Variants in MYO7B observed in about 807,000 individuals in gnomAD.
The protein encoded by MYO7B is unconventional myosin-VIIb.
A neutral mutation model predicts 259.7 loss-of-function variants in MYO7B; 212 were observed. That is an observed-to-expected ratio of 0.82 (90% confidence interval 0.73 to 0.91). The LOEUF (loss-of-function observed/expected upper bound fraction) is 0.91, where lower values mean the gene tolerates loss of function less well. MYO7B is among the 40% of genes least tolerant of loss of function. The probability of loss-of-function intolerance (pLI) is 0.00; values close to 1 mark genes in which losing one functional copy is unlikely to be tolerated. For missense variants in MYO7B, 2,732 were observed against 2,813.5 expected (o/e 0.97, Z 0.66); for synonymous variants, 1,197 against 1,166.4 (o/e 1.03, Z -0.54).
Position 127,566,903 on chromosome 2 carries a change from G to A in MYO7B, c.470+76G>A, listed in dbSNP as rs1678375956. 4 of 1,480,484 alleles carry A rather than the reference G, an allele frequency of 2.7e-6. No individual in the cohort carries two copies. The South Asian group carries it at 3.8e-5, about 14-fold the overall frequency. The allele number at this position is 1,480,484 out of a possible 1,614,324, so 91.7% of individuals were successfully genotyped here. A position where few individuals can be genotyped will look rare whatever the true frequency, so the allele number is the denominator to read the frequency against. Reference sequence around the variant, plus strand: ...CCCACCAGCATGCCTGCAAGATCAGGCGAGATGAGAGCTCTCCCTACTCCA... The same window carrying A: ...CCCACCAGCATGCCTGCAAGATCAGACGAGATGAGAGCTCTCCCTACTCCA... On this transcript the variant is annotated intron_variant, in intron 5 of 47. Transcript: ENST00000409816.
At chr2:127,571,522 C>T (rs1335850171) in intron 6 of MYO7B, among the ~76,000 whole-genome samples, 11 of 140,716 alleles carry the variant, frequency 7.8e-5, no homozygotes, top group Non-Finnish European at 1.5e-4. Context: ...CTCTTGTTGC[C>T]CAGGCTGGAG....
Position 127,593,580 on chromosome 2 carries a change from T to C in MYO7B, c.2180T>C (p.Ile727Thr). 1 of 1,613,530 alleles carries C rather than the reference T, an allele frequency of 6.2e-7. No individual in the cohort carries two copies. The highest frequency in any genetic ancestry group is 8.5e-7 in the Non-Finnish European group (1 of 1,179,768). The change falls in exon 18 of 48, where the codon ATC (isoleucine) becomes ACC (threonine). Residue 727 changes from isoleucine (I) to threonine (T), a missense_variant. Physicochemically the swap from Ile to Thr is moderately conservative, Grantham distance 89. This residue lies in a region of MYO7B where 1,906 missense variants were observed against 2,026.4 expected (regional missense o/e 0.94). Coordinates refer to ENST00000409816, the MANE Select transcript of MYO7B (RefSeq NM_001393586.1). Reference sequence around the variant, plus strand: ...AAGCTCCGCCAGATGACCCTGGGCATCACTGACGTGTGGCTGCGGACAGAC... The same window carrying C: ...AAGCTCCGCCAGATGACCCTGGGCACCACTGACGTGTGGCTGCGGACAGAC... ...QGKLRQMTLG[I>T]TDVWLRTDKD...
chr2:127,560,400 G>T (rs1357487529), intron 2 of MYO7B, among the ~76,000 whole-genome samples: 1 of 152,086 alleles, frequency 6.6e-6, no homozygotes, highest in Non-Finnish European at 1.5e-5. Context: ...GGAACTGTGG[G>T]CATGGGTAGG....
chr2:127,585,290 C>G lies in MYO7B; in HGVS notation c.1690+377C>G, dbSNP rs561503402. 6.6e-6 allele frequency among the ~76,000 whole-genome samples: 1 copy of G among 152,278 alleles called. No individual in the cohort carries two copies. Among genetic ancestry groups the G allele is most frequent in the African/African-American group, 2.4e-5 (1 of 41,554 alleles). On this transcript the variant is annotated intron_variant, in intron 14 of 47. Transcript: ENST00000409816. The surrounding 1 kb of genome is among the most constrained non-coding windows in gnomAD (Gnocchi z 4.3). ...GCCCTGGGCAACAATTAATTTCTGTCTCTATGGATTTGCCTATTCTGACTT... is the reference window on the plus strand; with the variant it reads ...GCCCTGGGCAACAATTAATTTCTGTGTCTATGGATTTGCCTATTCTGACTT...
At position 127,627,215 on chromosome 2, in the gene MYO7B, G is replaced by A. The variant is rs763846210; in HGVS notation, c.4365G>A (p.Leu1455=). ...GCCTGCCCAAGACGCAGCTGATCTT[G>A]GCTGTTAACTGGAAGGGGCTTTGCT... is the stretch of plus-strand genomic sequence containing the variant. ...GPRLPKTQLI[L]AVNWKGLCFL... is the part of the protein sequence containing the mutation. Residue 1455 remains leucine, a synonymous_variant, in exon 33 of 48, where the codon TTG becomes TTA. Coordinates refer to ENST00000409816, the MANE Select transcript of MYO7B (RefSeq NM_001393586.1). The surrounding 1 kb of genome is among the most constrained non-coding windows in gnomAD (Gnocchi z 5.6). 1.3e-5 allele frequency: 21 copies of A among 1,610,574 alleles called. No individual in the cohort carries two copies. The highest frequency in any genetic ancestry group is 1.8e-5 in the Non-Finnish European group (21 of 1,178,626).
rs1042236237 is a variant in MYO7B at position 127,612,498 on chromosome 2, G to A, written c.3293G>A (p.Gly1098Glu). Residue 1098 changes from glycine (G) to glutamate (E), a missense_variant, in exon 26 of 48, where the codon GGA becomes GAA. Gly to Glu is a moderately conservative substitution (Grantham distance 98, BLOSUM62 -2). Transcript: ENST00000409816. ...TGQVASQLNI[G>E]EEALEPDGLG... The stretch of plus-strand genomic sequence containing the variant: ...AAGGTGGCCAGCCAGCTGAACATTG[G>A]AGAGGAGGCATTGGAGCCTGATGGC... 3.2e-6 allele frequency: 5 copies of A among 1,557,920 alleles called. No individual in the cohort carries two copies. Among genetic ancestry groups the A allele is most frequent in the Non-Finnish European group, 4.3e-6 (5 of 1,150,776 alleles).
intron 2 of MYO7B, among the ~76,000 whole-genome samples, chr2:127,562,249 T>C (rs1319498711): frequency 6.6e-6 from 1 of 152,164 alleles, no homozygotes; most frequent in Admixed American, 6.5e-5. Context: ...ACTTGTATTT[T>C]TGCCCATCTT....
chr2:127,630,781 T>C lies in MYO7B; in HGVS notation c.4810T>C (p.Leu1604=), dbSNP rs1681439783. Residue 1604 remains leucine, a synonymous_variant, in exon 36 of 48, where the codon TTG becomes CTG. Transcript: ENST00000409816. ...VTKPSAQLLS[L]LAMSPEKRKL... ...CACAGGCCTGTGCCCCCTTCAGAGC[T>C]TGCTTGCCATGTCACCAGAGAAGAG... 1 of 1,612,812 alleles carries C rather than the reference T, an allele frequency of 6.2e-7. No individual in the cohort carries two copies. The highest frequency in any genetic ancestry group is 1.3e-5 in the African/African-American group (1 of 74,998).
In MYO7B at chr2:127,584,108, C is replaced by T; in HGVS notation, c.1344-14C>T. ...GCCCCACTCCACCCCTGGGCAGTGACCTTGCCTCCACAGCTTCGAGCAGCT... is the reference window on the plus strand; with the variant it reads ...GCCCCACTCCACCCCTGGGCAGTGATCTTGCCTCCACAGCTTCGAGCAGCT... On this transcript the variant is annotated splice_polypyrimidine_tract_variant and intron_variant, in intron 12 of 47. Transcript: ENST00000409816. This position sits in a 1 kb window ranked among gnomAD's most constrained non-coding sequence, Gnocchi z 5.8. 2 of 1,607,616 alleles carry T rather than the reference C, an allele frequency of 1.2e-6. No homozygotes were observed. The highest frequency in any genetic ancestry group is 2.2e-5 in the South Asian group (2 of 89,944).
rs1388728830 is a variant in MYO7B, at chr2:127,635,901, GA to G, written c.6005del (p.Lys2002ArgfsTer5). On this transcript the variant is annotated frameshift_variant, in exon 44 of 48. Coordinates refer to ENST00000409816, the MANE Select transcript of MYO7B (RefSeq NM_001393586.1). LOFTEE classifies it high-confidence loss of function. Reference sequence around the variant, plus strand: ...CACGCCTGATGTCCTCGGAGGAGTGGAAAAAGGTCCCTGGTCGGGCTGGGGA... The same window carrying G: ...CACGCCTGATGTCCTCGGAGGAGTGGAAAAGGTCCCTGGTCGGGCTGGGGA... ...LTRLMSSEEW[K>X]KSILLAYDKH... The G allele has an allele frequency of 2.5e-6, 4 of 1,568,762 alleles. No individual in the cohort carries two copies. The highest frequency in any genetic ancestry group is 3.5e-6 in the Non-Finnish European group (4 of 1,157,346).
At position 127,577,997 on chromosome 2, in the gene MYO7B, G is replaced by C. The variant is rs1341069407; in HGVS notation, c.850-136G>C. The stretch of plus-strand genomic sequence containing the variant: ...GCTACTGTGTCATGATTCTGCCTCT[G>C]AAAAGAGTTTTTGAGCGTGGACCCT... On this transcript the variant is annotated intron_variant, in intron 8 of 47. Transcript: ENST00000409816. This position sits in a 1 kb window ranked among gnomAD's most constrained non-coding sequence, Gnocchi z 5.2. 5.0e-6 allele frequency: 5 copies of C among 1,007,038 alleles called. No homozygotes were observed. The Admixed American group carries it at 1.4e-4, about 27-fold the overall frequency. The allele number at this position is 1,007,038 out of a possible 1,614,324, so 62.4% of individuals were successfully genotyped here. A position where few individuals can be genotyped will look rare whatever the true frequency, so the allele number is the denominator to read the frequency against.
intron 24 of MYO7B, among the ~76,000 whole-genome samples, chr2:127,612,031 G>T (rs1369939055): frequency 1.3e-5 from 2 of 152,136 alleles, no homozygotes; most frequent in Non-Finnish European, 2.9e-5. Flanking sequence ...TGCCTTCCCT[G>T]AGCCTCTGAT....
At chr2:127,570,012 C>T in intron 6 of MYO7B, 102 bp downstream of exon 6, 1 of 1,357,604 alleles carries the variant, frequency 7.4e-7, no homozygotes. Flanking sequence ...AAACCTTCAG[C>T]AACTCCTCCA....
At chr2:127,616,263 C>T (rs1185945171) in intron 26 of MYO7B, among the ~76,000 whole-genome samples, 2 of 152,186 alleles carry the variant, frequency 1.3e-5, no homozygotes, top group African/African-American at 2.4e-5. Context: ...CATGAGAGAT[C>T]GTATCCATAA....
At chr2:127,605,764 T>C (rs1486317866) in intron 19 of MYO7B, 80 bp from the exon 20 acceptor site, 29 of 1,296,958 alleles carry the variant, frequency 2.2e-5, no homozygotes, top group African/African-American at 4.4e-5. Context: ...CCCTGTTCCC[T>C]TCCAAACCAG....
intron 4 of MYO7B, 36 bp from the exon 5 acceptor site, chr2:127,566,607 G>A: frequency 6.6e-7 from 1 of 1,515,846 alleles, no homozygotes; most frequent in Non-Finnish European, 8.8e-7. Flanking sequence ...ACCTCTGCCA[G>A]GGGCAGAGGG....
rs996197708 is a variant in MYO7B, at chr2:127,574,194, T to C, written c.735+132T>C. On this transcript the variant is annotated intron_variant, in intron 7 of 47. Coordinates refer to ENST00000409816, the MANE Select transcript of MYO7B (RefSeq NM_001393586.1). ...CCCAGAACCCACAGGCCTCACTGGA[T>C]AATGAGGGCCCTTCCCCAGTATTCC... is the stretch of plus-strand genomic sequence containing the variant. 2.4e-5 allele frequency: 28 copies of C among 1,153,716 alleles called. No homozygotes were observed. In the African/African-American group the frequency reaches 3.7e-4, roughly 15 times the overall value. 71.5% of individuals were successfully genotyped at this position (1,153,716 alleles called of 1,614,324 possible).
Position 127,592,778 on chromosome 2 carries a change from C to A in MYO7B, c.1993-16C>A. 6.2e-7 allele frequency: 1 copy of A among 1,603,000 alleles called. No homozygotes were observed. The highest frequency in any genetic ancestry group is 1.1e-5 in the South Asian group (1 of 89,142). On this transcript the variant is annotated splice_polypyrimidine_tract_variant and intron_variant, in intron 16 of 47. Transcript: ENST00000409816. The stretch of plus-strand genomic sequence containing the variant: ...GTGGGGCTTGCGCTGGGTCAGCGCC[C>A]GGTGTCCGCCCACAGCTGTTCGACC...
At chr2:127,594,130 T>C (rs1350115600) in intron 18 of MYO7B, among the ~76,000 whole-genome samples, 1 of 152,222 alleles carries the variant, frequency 6.6e-6, no homozygotes, top group East Asian at 1.9e-4. Context: ...GACTTGTCCT[T>C]AGCGGGGCTT....
Sources: allele counts gnomAD v4.1 joint callset (sites outside exome capture counted in the v4.1 genomes callset), GRCh38; gene constraint gnomAD v4.1.1; regional missense constraint gnomAD v4.1.1; non-coding constraint Gnocchi (gnomAD v3.1); transcripts MANE v1.5; gene names NCBI Gene and HGNC (gene_info 2026-07-23, HGNC 2026-07-21).